Variants in NEGR1 observed in about 807,000 individuals in gnomAD.
NEGR1 encodes the protein neuronal growth regulator 1, also known as IgLON family member 4.
A neutral mutation model predicts 40.9 loss-of-function variants in NEGR1; 10 were observed. The observed-to-expected ratio is 0.24, with a 90% CI of 0.15 to 0.42. The LOEUF (loss-of-function observed/expected upper bound fraction) is 0.42, where lower values mean the gene tolerates loss of function less well. Among genes scored for constraint, NEGR1 ranks in the 10% least tolerant of loss-of-function variants. The pLI is 1.00. For missense variants in NEGR1, 352 were observed against 438.9 expected (o/e 0.80, Z 1.77); for synonymous variants, 185 against 166.8 (o/e 1.11, Z -0.84).
intron 1 of NEGR1, among the ~76,000 whole-genome samples, chr1:72,085,947 C>A (rs372754081): frequency 1.6e-5 from 2 of 123,326 alleles, no homozygotes; most frequent in South Asian, 5.4e-4. Flanking sequence ...TCCAGCCTGG[C>A]GACAGAGTGA....
intron 6 of NEGR1, among the ~76,000 whole-genome samples, chr1:71,482,200 C>A (rs1459177546): frequency 2.0e-5 from 3 of 151,794 alleles, no homozygotes; most frequent in African/African-American, 7.3e-5. Flanking sequence ...CCCACACCAC[C>A]AATAGCTATT....
intron 1 of NEGR1, among the ~76,000 whole-genome samples, chr1:72,008,643 G>A (rs1646629996): frequency 6.6e-6 from 1 of 152,060 alleles, no homozygotes; most frequent in African/African-American, 2.4e-5. Flanking sequence ...ACCTGTGATT[G>A]TAAACTCACT....
At chr1:72,025,248 AAAT>A (rs2100427197) in intron 1 of NEGR1, among the ~76,000 whole-genome samples, 1 of 152,288 alleles carries the variant, frequency 6.6e-6, no homozygotes, top group East Asian at 1.9e-4. Context: ...AACATTTAAA[AAAT>A]AATATTTCCG....
intron 1 of NEGR1, among the ~76,000 whole-genome samples, chr1:72,198,276 CAAG>C (rs1255813021): frequency 6.6e-6 from 1 of 152,008 alleles, no homozygotes; most frequent in East Asian, 1.9e-4. Context: ...AAGCATTTTA[CAAG>C]AAGACTATAT....
At chr1:72,206,579 T>G (rs948664525) in intron 1 of NEGR1, among the ~76,000 whole-genome samples, 1 of 42,334 alleles carries the variant, frequency 2.4e-5, no homozygotes, top group African/African-American at 1.5e-4. Context: ...TATAAGGTGA[T>G]TTTTTTCAGA....
chr1:71,873,388 G>A (rs1660335688), intron 2 of NEGR1, among the ~76,000 whole-genome samples: 1 of 151,942 alleles, frequency 6.6e-6, no homozygotes, highest in Admixed American at 6.6e-5. Context: ...ATTTTATTGT[G>A]GCATGGGATA....
At chr1:71,917,989 G>T (rs150815672) in intron 2 of NEGR1, among the ~76,000 whole-genome samples, 3 of 150,062 alleles carry the variant, frequency 2.0e-5, no homozygotes, top group African/African-American at 7.4e-5. Context: ...AGGCCGAGGC[G>T]GGCGGATCAC....
At chr1:71,533,955 T>C (rs1396898896) in intron 6 of NEGR1, among the ~76,000 whole-genome samples, 1 of 151,690 alleles carries the variant, frequency 6.6e-6, no homozygotes, top group Non-Finnish European at 1.5e-5. Context: ...TCTACTCCTT[T>C]TTAACTTAGT....
intron 2 of NEGR1, among the ~76,000 whole-genome samples, chr1:71,839,152 A>G (rs974184818): frequency 2.0e-5 from 3 of 149,172 alleles, no homozygotes; most frequent in Admixed American, 2.0e-4. Context: ...CCTTGAAGAT[A>G]ATTGAGAAAA....
intron 2 of NEGR1, among the ~76,000 whole-genome samples, chr1:71,804,651 C>G (rs148583782): frequency 0.021 from 3,236 of 152,266 alleles, 38 homozygotes; most frequent in Non-Finnish European, 0.024. Context: ...CAGTCAATAC[C>G]CTTGTGATTT....
chr1:71,763,035 G>T (rs1294001718), intron 3 of NEGR1, among the ~76,000 whole-genome samples: 1 of 151,920 alleles, frequency 6.6e-6, no homozygotes, highest in Non-Finnish European at 1.5e-5. Flanking sequence ...TAAAAAGGGG[G>T]TTAGGCATGG....
intron 1 of NEGR1, among the ~76,000 whole-genome samples, chr1:72,078,790 C>G (rs904548388): frequency 5.3e-5 from 8 of 150,954 alleles, no homozygotes; most frequent in African/African-American, 1.9e-4. Flanking sequence ...CAGGTGCCCA[C>G]CACCCTTCCC....
rs200241478 is a variant in NEGR1 at position 71,788,161 on chromosome 1, AT to A, written c.410-11865del. On this transcript the variant is annotated intron_variant, in intron 2 of 6. Coordinates refer to ENST00000357731, the MANE Select transcript of NEGR1 (RefSeq NM_173808.3). ...TCTACTTTTCTCAAAGAGAACCTTTATTTTTTTAAAAAAATATTACAAACAA... is the reference window on the plus strand; with the variant it reads ...TCTACTTTTCTCAAAGAGAACCTTTATTTTTTAAAAAAATATTACAAACAA... 1.2e-3 allele frequency among the ~76,000 whole-genome samples: 182 copies of A among 152,162 alleles called. 2 individuals are homozygous for A. The East Asian group carries it at 0.028, about 23-fold the overall frequency.
intron 3 of NEGR1, among the ~76,000 whole-genome samples, chr1:71,713,517 A>C (rs1419329738): frequency 1.3e-5 from 2 of 152,244 alleles, no homozygotes; most frequent in African/African-American, 4.8e-5. Context: ...TATCATAAAT[A>C]AGAATATAAA....
chr1:72,054,134 T>C (rs548855724), intron 1 of NEGR1, among the ~76,000 whole-genome samples: 1 of 151,458 alleles, frequency 6.6e-6, no homozygotes, highest in South Asian at 2.1e-4. Context: ...AAATAGAGCA[T>C]GTGGCAAAAA....
At chr1:71,669,520 C>A (rs930081950) in intron 4 of NEGR1, among the ~76,000 whole-genome samples, 1 of 152,084 alleles carries the variant, frequency 6.6e-6, no homozygotes, top group African/African-American at 2.4e-5. Context: ...GATAGTCAAG[C>A]TTGCAGCCTT....
chr1:72,249,141 G>A (rs1025867854), intron 1 of NEGR1, among the ~76,000 whole-genome samples: 3 of 152,046 alleles, frequency 2.0e-5, no homozygotes, highest in Non-Finnish European at 4.4e-5. Flanking sequence ...TGACATCAGT[G>A]CCTTTATAAA....
chr1:72,243,219 C>A (rs1654803962), intron 1 of NEGR1, among the ~76,000 whole-genome samples: 2 of 151,398 alleles, frequency 1.3e-5, no homozygotes, highest in Non-Finnish European at 3.0e-5. Flanking sequence ...CACTTCTCAT[C>A]TCAATTAAAA....
chr1:71,958,321 T>C (rs1253117780), intron 1 of NEGR1, among the ~76,000 whole-genome samples: 3 of 152,216 alleles, frequency 2.0e-5, no homozygotes, highest in Non-Finnish European at 4.4e-5. Context: ...TTTCAAAATA[T>C]ATATTCATCT....
Sources: gnomAD v4.1 joint callset for allele counts (sites outside exome capture counted in the v4.1 genomes callset) on GRCh38, gnomAD v4.1.1 for gene constraint, MANE v1.5 for transcripts, NCBI Gene and HGNC (gene_info 2026-07-23, HGNC 2026-07-21) for gene names.